The following CHRDL1 variants were observed in gnomAD, a reference collection of about 807,000 sequenced individuals.
CHRDL1 encodes the protein chordin-like protein 1.
CHRDL1 carries 19 observed loss-of-function variants against 40.9 expected under a neutral mutation model. The observed-to-expected ratio is 0.46, with a 90% CI of 0.32 to 0.68. The LOEUF (loss-of-function observed/expected upper bound fraction) is 0.68. CHRDL1 is among the 30% of genes least tolerant of loss of function. The probability of loss-of-function intolerance (pLI) is 0.03; values close to 1 mark genes in which losing one functional copy is unlikely to be tolerated. For synonymous variants in CHRDL1, 136 were observed against 123.4 expected (o/e 1.10, Z -0.68); for missense variants, 329 against 352.1 (o/e 0.93, Z 0.53).
intron 2 of CHRDL1, among the ~76,000 whole-genome samples, chrX:110,778,937 G>A (rs1034786683): frequency 8.9e-6 from 1 of 111,912 alleles, no homozygotes; most frequent in South Asian, 3.7e-4. Context: ...ATGAGGTCAT[G>A]TCCTTTGCAA....
intron 4 of CHRDL1, among the ~76,000 whole-genome samples, chrX:110,752,646 CAT>C (rs1014210695): frequency 1.8e-5 from 2 of 108,850 alleles, no homozygotes; most frequent in Non-Finnish European, 3.8e-5. Context: ...ACTCTGGACC[CAT>C]ATATATATAT....
intron 7 of CHRDL1, among the ~76,000 whole-genome samples, chrX:110,699,618 T>C (rs1164544088): frequency 8.9e-6 from 1 of 112,597 alleles, no homozygotes; most frequent in Non-Finnish European, 1.9e-5. Context: ...GTATGTGACC[T>C]TCCAGATTGG....
chrX:110,689,061 A>AATATACATATATATAAATAT (rs2070088608), intron 8 of CHRDL1, among the ~76,000 whole-genome samples: 4 of 76,250 alleles, frequency 5.2e-5, no homozygotes, highest in African/African-American at 1.8e-4. Context: ...GCAGTCCATA[A>AATATACATATATATAAATAT]ATATATATAT....
chrX:110,790,852 C>T (rs2090086904), intron 2 of CHRDL1, among the ~76,000 whole-genome samples: 1 of 106,165 alleles, frequency 9.4e-6, no homozygotes, highest in South Asian at 4.3e-4. Flanking sequence ...AGAGGCTGAT[C>T]CAAGCTTCCT....
At chrX:110,783,768 A>G (rs2089978431) in intron 2 of CHRDL1, among the ~76,000 whole-genome samples, 1 of 111,645 alleles carries the variant, frequency 9.0e-6, no homozygotes, top group Non-Finnish European at 1.9e-5. Context: ...TGTTAATAGG[A>G]ACAATGATGA....
chrX:110,707,489 T>G (rs1291765696), intron 6 of CHRDL1, among the ~76,000 whole-genome samples: 1 of 111,390 alleles, frequency 9.0e-6, no homozygotes, highest in Non-Finnish European at 1.9e-5. Flanking sequence ...ATAATGCCAC[T>G]TATCTGTAAC....
At chrX:110,783,658 C>T (rs1232992632) in intron 2 of CHRDL1, among the ~76,000 whole-genome samples, 1 of 111,856 alleles carries the variant, frequency 8.9e-6, no homozygotes, top group Non-Finnish European at 1.9e-5. Flanking sequence ...TTCCAACTAA[C>T]TTGTGAGATG....
chrX:110,772,571 G>T (rs1050491425), intron 2 of CHRDL1, among the ~76,000 whole-genome samples: 2 of 112,574 alleles, frequency 1.8e-5, no homozygotes, highest in African/African-American at 6.5e-5. Context: ...CCTGAGAGGC[G>T]GAGGTTGCAG....
intron 11 of CHRDL1, 121 bp downstream of exon 11, chrX:110,679,215 T>C: frequency 1.9e-6 from 1 of 521,355 alleles, no homozygotes; most frequent in Non-Finnish European, 3.4e-6. Flanking sequence ...GAACATCCTT[T>C]AGTGTTGATA....
At chrX:110,701,580 G>A (rs1050222594) in intron 6 of CHRDL1, among the ~76,000 whole-genome samples, 2 of 111,780 alleles carry the variant, frequency 1.8e-5, no homozygotes, top group Non-Finnish European at 1.9e-5. Context: ...CTGGGAGGCC[G>A]AAGTAGGCAG....
At chrX:110,707,873 G>T (rs1175156122) in intron 6 of CHRDL1, among the ~76,000 whole-genome samples, 2 of 111,440 alleles carry the variant, frequency 1.8e-5, no homozygotes. Context: ...CAGAATGGGA[G>T]AAAATTTGTG....
At chrX:110,689,638 C>A (rs375227878) in intron 8 of CHRDL1, among the ~76,000 whole-genome samples, 16 of 11,123 alleles carry the variant, frequency 1.4e-3, no homozygotes, top group East Asian at 3.4e-3. Flanking sequence ...ATCTATATAT[C>A]TATATATATC....
chrX:110,729,085 C>G (rs775024580), intron 4 of CHRDL1, among the ~76,000 whole-genome samples: 1 of 111,985 alleles, frequency 8.9e-6, no homozygotes, highest in South Asian at 3.8e-4. Context: ...TGAGCTTGCG[C>G]CACTGCACTC....
intron 4 of CHRDL1, among the ~76,000 whole-genome samples, chrX:110,734,595 T>A (rs754515462): frequency 2.7e-5 from 3 of 112,114 alleles, no homozygotes; most frequent in Non-Finnish European, 5.6e-5. Flanking sequence ...GACACTGCTA[T>A]TTAGTGCCAA....
At chrX:110,722,358 T>A (rs1001335052) in intron 4 of CHRDL1, among the ~76,000 whole-genome samples, 1 of 109,674 alleles carries the variant, frequency 9.1e-6, no homozygotes, top group Non-Finnish European at 1.9e-5. Flanking sequence ...GTGGTTTTGC[T>A]TTTTTTTAAT....
rs933449920 is a variant in CHRDL1 at position 110,744,854 on chromosome X, T to G, written c.301+14807A>C. On this transcript the variant is annotated intron_variant, in intron 4 of 11. Transcript: ENST00000372042. Reference sequence around the variant, plus strand: ...CCTTGCATTTATTGAGGGTATACTATGGGCAGGGCACTATGCTAACTCCTT... The same window carrying G: ...CCTTGCATTTATTGAGGGTATACTAGGGGCAGGGCACTATGCTAACTCCTT... Among the ~76,000 whole-genome samples, 3 of 110,453 alleles carry G rather than the reference T, an allele frequency of 2.7e-5. 1 individual carries two copies. Among genetic ancestry groups the G allele is most frequent in the South Asian group, 7.9e-4 (2 of 2,539 alleles).
chrX:110,701,814 A>G (rs1412638595), intron 6 of CHRDL1, among the ~76,000 whole-genome samples: 1 of 111,520 alleles, frequency 9.0e-6, no homozygotes, highest in Non-Finnish European at 1.9e-5. Context: ...ACCCTGTCAC[A>G]CACACACACA....
chrX:110,771,144 C>CAA (rs753915390), intron 2 of CHRDL1, among the ~76,000 whole-genome samples: 1,947 of 65,509 alleles, frequency 0.03, 71 homozygotes, highest in African/African-American at 0.098. Context: ...GACTCTGTCT[C>CAA]AAAAAAAAAA....
chrX:110,690,851 C>T (rs1200311370), intron 8 of CHRDL1, among the ~76,000 whole-genome samples: 1 of 111,499 alleles, frequency 9.0e-6, no homozygotes, highest in African/African-American at 3.3e-5. Context: ...TATCCTTTGG[C>T]AGTCTGACAT....
Sources: allele counts gnomAD v4.1 joint callset (sites outside exome capture counted in the v4.1 genomes callset), GRCh38; gene constraint gnomAD v4.1.1; transcripts MANE v1.5; gene names NCBI Gene and HGNC (gene_info 2026-07-23, HGNC 2026-07-21).